Variants in NOTCH2 observed in about 807,000 individuals in gnomAD.
NOTCH2 encodes neurogenic locus notch homolog protein 2.
In NOTCH2, 29 loss-of-function variants were observed where a neutral mutation model predicts 235.8. That is an observed-to-expected ratio of 0.12 (90% CI 0.09 to 0.17). NOTCH2 has a LOEUF of 0.17. Among genes scored for constraint, NOTCH2 ranks in the 10% least tolerant of loss-of-function variants. The pLI is 1.00. For missense variants in NOTCH2, 2,285 were observed against 3,150.2 expected (o/e 0.73, Z 6.57); for synonymous variants, 1,086 against 1,141.5 (o/e 0.95, Z 0.98).
rs782483919 is a variant in NOTCH2, at chr1:119,963,824, A to G, written c.1682-17T>C. 1.2e-6 allele frequency: 2 copies of G among 1,605,918 alleles called. No homozygotes were observed. Among genetic ancestry groups the G allele is most frequent in the Non-Finnish European group, 1.7e-6 (2 of 1,172,570 alleles). ...CAGTGAAACCTTTGGAAAGAATTTT[A>G]TCAAGGATTCTCAAAGACCAAGGCA... On this transcript the variant is annotated splice_polypyrimidine_tract_variant and intron_variant, in intron 10 of 33. Coordinates refer to ENST00000256646, the MANE Select transcript of NOTCH2 (RefSeq NM_024408.4).
chr1:119,961,127 T>C (rs587653983), intron 11 of NOTCH2, among the ~76,000 whole-genome samples: 1 of 152,166 alleles, frequency 6.6e-6, no homozygotes. Context: ...AGGGCTGACC[T>C]GCACAGTGCC....
intron 23 of NOTCH2, 60 bp from the exon 24 acceptor site, chr1:119,926,671 C>A: frequency 7.2e-7 from 1 of 1,389,942 alleles, no homozygotes; most frequent in South Asian, 1.2e-5. Context: ...GCAAGTTACT[C>A]AACAAACTTT....
intron 1 of NOTCH2, chr1:120,069,073 C>G (rs1273605330): frequency 4.7e-6 from 7 of 1,486,414 alleles, no homozygotes; most frequent in Non-Finnish European, 6.3e-6. Flanking sequence ...GACTTGCTGC[C>G]GGCCTCCCTC....
chr1:120,066,491 A>C (rs1250223468), intron 1 of NOTCH2, among the ~76,000 whole-genome samples: 2 of 148,768 alleles, frequency 1.3e-5, no homozygotes, highest in East Asian at 3.9e-4. Context: ...AGGAATGGCA[A>C]CACAGAGTGG....
At chr1:119,963,130 G>C (rs1651001149) in intron 11 of NOTCH2, among the ~76,000 whole-genome samples, 1 of 150,340 alleles carries the variant, frequency 6.7e-6, no homozygotes, top group South Asian at 2.1e-4. Flanking sequence ...ACTGAACTGT[G>C]AAAGAGAAAA....
chr1:120,029,843 G>A (rs1553210689), intron 2 of NOTCH2, 63 bp downstream of exon 2: 1 of 539,852 alleles, frequency 1.9e-6, no homozygotes, highest in Non-Finnish European at 3.3e-6. Context: ...AAATAGAGGA[G>A]TAGAATCAAA....
At chr1:119,941,278 T>C (rs1650052522) in intron 18 of NOTCH2, among the ~76,000 whole-genome samples, 1 of 152,336 alleles carries the variant, frequency 6.6e-6, no homozygotes, top group South Asian at 2.1e-4. Flanking sequence ...AACAAAATTA[T>C]AGCTCTTTCT....
chr1:119,958,789 C>G (rs782293150), intron 12 of NOTCH2, among the ~76,000 whole-genome samples: 2 of 151,740 alleles, frequency 1.3e-5, no homozygotes, highest in Non-Finnish European at 2.9e-5. Flanking sequence ...TGTGTAAATG[C>G]CTAGGCTGTT....
chr1:119,948,517 C>G lies in NOTCH2; in HGVS notation c.2649G>C (p.Met883Ile). The part of the protein sequence containing the change: ...DIDECISKPC[M>I]NHGLCHNTQG... ...GGGTGTTATGGCAGAGACCATGGTT[C>G]ATGCAGGGCTTGGAGATACACTCGT... The change falls in exon 17 of 34, where the codon ATG (methionine) becomes ATC (isoleucine). Residue 883 changes from methionine to isoleucine, a missense_variant. By Grantham distance (10) the Met-to-Ile change is conservative. Coordinates refer to ENST00000256646, the MANE Select transcript of NOTCH2 (RefSeq NM_024408.4). 1 of 1,614,174 alleles carries G rather than the reference C, an allele frequency of 6.2e-7. No individual in the cohort carries two copies.
At chr1:119,938,064 G>C in intron 19 of NOTCH2, 54 bp from the exon 20 acceptor site, 1 of 1,579,390 alleles carries the variant, frequency 6.3e-7, no homozygotes, top group Non-Finnish European at 8.7e-7. Flanking sequence ...TAGAAATGAA[G>C]AAAAGAAGTT....
intron 2 of NOTCH2, among the ~76,000 whole-genome samples, chr1:120,025,423 C>G (rs1219481224): frequency 6.6e-6 from 1 of 151,374 alleles, no homozygotes; most frequent in Non-Finnish European, 1.5e-5. Flanking sequence ...GAATAAGAAC[C>G]CTATCCCATG....
chr1:120,045,661 C>A (rs1553213501), intron 1 of NOTCH2, among the ~76,000 whole-genome samples: 2 of 152,156 alleles, frequency 1.3e-5, no homozygotes, highest in Non-Finnish European at 2.9e-5. Flanking sequence ...AGGAGAGATA[C>A]AACCTAATTC....
Position 119,939,990 on chromosome 1 carries a change from T to C in NOTCH2, c.3183+565A>G, listed in dbSNP as rs587692631. On this transcript the variant is annotated intron_variant, in intron 19 of 33. Transcript: ENST00000256646. ...TGTTTGGTATGCAACTTTGGAAAAG[T>C]TACTTTGCCCCTCTGGGGCTGTTTC... is the stretch of plus-strand genomic sequence containing the variant. 1.6e-4 allele frequency among the ~76,000 whole-genome samples: 24 copies of C among 152,352 alleles called. No homozygotes were observed. The East Asian group carries it at 3.5e-3, about 22-fold the overall frequency.
At chr1:119,961,879 G>A (rs782617190) in intron 11 of NOTCH2, among the ~76,000 whole-genome samples, 9 of 152,104 alleles carry the variant, frequency 5.9e-5, no homozygotes, top group Non-Finnish European at 1.2e-4. Context: ...GGCCATATAA[G>A]TGGAACAGGA....
intron 4 of NOTCH2, chr1:119,993,425 T>TAATACTA (rs1652305290): frequency 1.3e-5 from 1 of 74,410 alleles, no homozygotes; most frequent in Non-Finnish European, 2.6e-5. Context: ...AGTCCTACAA[T>TAATACTA]AATACTAAAA....
intron 9 of NOTCH2, among the ~76,000 whole-genome samples, chr1:119,965,854 G>A (rs1171325029): frequency 6.6e-6 from 1 of 152,194 alleles, no homozygotes. Context: ...TGTAGCTTCA[G>A]AGGCAACAGA....
At chr1:119,985,689 A>C (rs115515865) in intron 5 of NOTCH2, among the ~76,000 whole-genome samples, 1,906 of 152,294 alleles carry the variant, frequency 0.013, 41 homozygotes, top group African/African-American at 0.043. Flanking sequence ...GAGAAAAAAA[A>C]CACAAATTTT....
rs1652043534 is a variant in NOTCH2, at chr1:119,986,971, G to T, written c.863C>A (p.Pro288Gln). 2.5e-6 allele frequency: 4 copies of T among 1,613,578 alleles called. No individual in the cohort carries two copies. The highest frequency in any genetic ancestry group is 3.4e-6 in the Non-Finnish European group (4 of 1,179,594). The change falls in exon 5 of 34, where the codon CCA (proline) becomes CAA (glutamine). Residue 288 changes from proline to glutamine, a missense_variant. Coordinates refer to ENST00000256646, the MANE Select transcript of NOTCH2 (RefSeq NM_024408.4). ...GVNTYNCRCP[P>Q]QWTGQFCTED... Reference sequence around the variant, plus strand: ...CACACTGTACATACCTGTCCATTGTGGGGGACAGCGGCAGTTGTAAGTGTT... The same window carrying T: ...CACACTGTACATACCTGTCCATTGTTGGGGACAGCGGCAGTTGTAAGTGTT...
At chr1:120,027,566 G>A (rs1173210788) in intron 2 of NOTCH2, among the ~76,000 whole-genome samples, 33 of 150,946 alleles carry the variant, frequency 2.2e-4, no homozygotes, top group African/African-American at 7.1e-4. Context: ...CTATCAACCC[G>A]TCATCCAGGT....
Sources: gnomAD v4.1 joint callset for allele counts (sites outside exome capture counted in the v4.1 genomes callset) on GRCh38, gnomAD v4.1.1 for gene constraint, MANE v1.5 for transcripts, NCBI Gene and HGNC (gene_info 2026-07-23, HGNC 2026-07-21) for gene names.